Variants in KMT5A observed in about 807,000 individuals in gnomAD.
KMT5A encodes N-lysine methyltransferase KMT5A.
KMT5A carries 6 observed loss-of-function variants against 40.6 expected under a neutral mutation model. That is an observed-to-expected ratio of 0.15 (90% confidence interval 0.08 to 0.29). The LOEUF is 0.29. Ranked by LOEUF, KMT5A falls within the 10% of genes least tolerant of loss-of-function variation. The pLI is 1.00. For synonymous variants in KMT5A, 153 were observed against 178.8 expected (o/e 0.86, Z 1.15); for missense variants, 308 against 459.1 (o/e 0.67, Z 3.01).
At chr12:123,406,606 G>A (rs1447831062) in intron 7 of KMT5A, among the ~76,000 whole-genome samples, 3 of 152,182 alleles carry the variant, frequency 2.0e-5, no homozygotes, top group African/African-American at 4.8e-5. Flanking sequence ...GAGCCACCGC[G>A]CCTGGCGGGG....
Position 123,396,369 on chromosome 12 carries a change from T to C in KMT5A, c.534T>C (p.Asn178=), listed in dbSNP as rs774197371. The change falls in exon 5 of 8, where the codon AAT becomes AAC. Residue 178 remains asparagine (N), a synonymous_variant. Coordinates refer to ENST00000402868, the MANE Select transcript of KMT5A (RefSeq NM_020382.7). ...GAGCTCAAGGAAAAACGCAACAGAA[T>C]CGCAAACTTACGGATTTCTACCCTG... is the stretch of plus-strand genomic sequence containing the variant. The part of the protein sequence containing the change: ...RKKAQGKTQQ[N]RKLTDFYPVR... 66 of 1,613,534 alleles carry C rather than the reference T, an allele frequency of 4.1e-5. No individual in the cohort carries two copies. Among genetic ancestry groups the C allele is most frequent in the Non-Finnish European group, 5.2e-5 (61 of 1,179,994 alleles).
chr12:123,392,846 G>A (rs965683463), intron 3 of KMT5A, among the ~76,000 whole-genome samples: 4 of 151,806 alleles, frequency 2.6e-5, no homozygotes, highest in Non-Finnish European at 4.4e-5. Context: ...GGTGTGTAGA[G>A]GAGGAAGAAA....
rs748333519 is a variant in KMT5A, at chr12:123,402,545, G to A, written c.598-1028G>A. 3.9e-5 allele frequency among the ~76,000 whole-genome samples: 6 copies of A among 152,318 alleles called. 1 individual carries two copies. Among genetic ancestry groups the A allele is most frequent in the Middle Eastern group, 3.4e-3 (1 of 294 alleles). On this transcript the variant is annotated intron_variant, in intron 5 of 7. Transcript: ENST00000402868. ...ATCTGGTTTGGTGAAAGTCTATGCC[G>A]TCAAGACATGCTGGTTTGGGGTGAG...
chr12:123,395,335 C>A, intron 4 of KMT5A, 69 bp downstream of exon 4: 1 of 1,503,546 alleles, frequency 6.7e-7, no homozygotes, highest in Non-Finnish European at 9.1e-7. Flanking sequence ...GGGAAGCCTG[C>A]TCAGGTGCCC....
In KMT5A at chr12:123,390,636, G is replaced by A. The variant is rs751091053; in HGVS notation, c.139G>A (p.Val47Ile). 6.8e-6 allele frequency: 11 copies of A among 1,613,518 alleles called. No homozygotes were observed. Among genetic ancestry groups the A allele is most frequent in the African/African-American group, 5.3e-5 (4 of 74,880 alleles). Residue 47 changes from valine (V) to isoleucine (I), a missense_variant, in exon 3 of 8, where the codon GTA becomes ATA. This residue lies in a region of KMT5A where 92 missense variants were observed against 78.3 expected (regional missense o/e 1.18). Coordinates refer to ENST00000402868, the MANE Select transcript of KMT5A (RefSeq NM_020382.7). ...TATGCTTTTGTCTTTTTAGGAGAAC[G>A]TATTTACCGGGCAGTCAAAGATCTA... The part of the protein sequence containing the change: ...PGRPRTDGEN[V>I]FTGQSKIYSY...
intron 2 of KMT5A, chr12:123,390,010 GC>G: frequency 2.2e-6 from 1 of 462,556 alleles, no homozygotes. Flanking sequence ...TCTTACTGAC[GC>G]CCAGGTGCGG....
In KMT5A at chr12:123,396,530, C is replaced by T. The variant is rs879221280; in HGVS notation, c.597+98C>T. The T allele has an allele frequency of 2.2e-5, 25 of 1,158,150 alleles. 1 individual carries two copies. The highest frequency in any genetic ancestry group is 1.5e-4 in the South Asian group (12 of 78,226). 71.7% of individuals were successfully genotyped at this position (1,158,150 alleles called of 1,614,324 possible). ...ATGTGTGTGTCCTCAGCCTTGTTTT[C>T]GTCATCTTGGAGCAAGTCTCTTGGC... On this transcript the variant is annotated intron_variant, in intron 5 of 7. Coordinates refer to ENST00000402868, the MANE Select transcript of KMT5A (RefSeq NM_020382.7).
At position 123,406,688 on chromosome 12, in the gene KMT5A, G is replaced by A. The variant is rs1319868423; in HGVS notation, c.849-805G>A. 2.6e-5 allele frequency among the ~76,000 whole-genome samples: 4 copies of A among 151,950 alleles called. No homozygotes were observed. The South Asian group carries it at 6.2e-4, about 24-fold the overall frequency. ...CTGTGCCTCCATAAAGAGCCCTTTG[G>A]GTCCTACCCCATCCCCCCACCCAGG... On this transcript the variant is annotated intron_variant, in intron 7 of 7. Transcript: ENST00000402868.
intron 5 of KMT5A, among the ~76,000 whole-genome samples, chr12:123,398,070 G>T (rs1201922772): frequency 6.6e-6 from 1 of 151,398 alleles, no homozygotes; most frequent in Non-Finnish European, 1.5e-5. Context: ...ATCATCTGAG[G>T]TCAGGAGTTC....
intron 3 of KMT5A, among the ~76,000 whole-genome samples, chr12:123,393,249 G>A (rs1380286581): frequency 2.6e-5 from 4 of 152,174 alleles, no homozygotes; most frequent in Admixed American, 6.5e-5. Context: ...ATGTTAAAGC[G>A]TATGAGTCGG....
chr12:123,393,136 C>T lies in KMT5A; in HGVS notation c.290-1911C>T, dbSNP rs145315803. Among the ~76,000 whole-genome samples, 544 of 152,278 alleles carry T rather than the reference C, an allele frequency of 3.6e-3. 3 individuals carry two copies. The highest frequency in any genetic ancestry group is 0.012 in the African/African-American group (497 of 41,558). On this transcript the variant is annotated intron_variant, in intron 3 of 7. Transcript: ENST00000402868. ...CAGGTGGCCCACCCGCCTTGGCCTCCCAAAGTGCTGGGATTACAGGTGAAG... is the reference window on the plus strand; with the variant it reads ...CAGGTGGCCCACCCGCCTTGGCCTCTCAAAGTGCTGGGATTACAGGTGAAG...
chr12:123,403,764 AG>A (rs1260863175), intron 6 of KMT5A, 132 bp downstream of exon 6: 2 of 911,190 alleles, frequency 2.2e-6, no homozygotes, highest in African/African-American at 3.3e-5. Context: ...AGACTCTATT[AG>A]GTTGTCAAAG....
At chr12:123,403,233 G>A (rs1372641549) in intron 5 of KMT5A, among the ~76,000 whole-genome samples, 1 of 152,262 alleles carries the variant, frequency 6.6e-6, no homozygotes, top group East Asian at 1.9e-4. Flanking sequence ...GAAGTCAGAG[G>A]CCTGATTTTC....
At chr12:123,389,855 C>T (rs886394867) in intron 2 of KMT5A, among the ~76,000 whole-genome samples, 1 of 152,084 alleles carries the variant, frequency 6.6e-6, no homozygotes, top group Non-Finnish European at 1.5e-5. Context: ...GGTCTCACCG[C>T]CTCGGTGTTG....
At position 123,405,099 on chromosome 12, in the gene KMT5A, G is replaced by C. The variant is rs1179239034; in HGVS notation, c.848+25G>C. 6.3e-6 allele frequency: 10 copies of C among 1,587,342 alleles called. No individual in the cohort carries two copies. The East Asian group carries it at 1.8e-4, about 29-fold the overall frequency. ...GGTGAGTCCACTGTTGCTTAGAGTG[G>C]CTTTTCTGTCCTCTGGGCAGTGAGG... On this transcript the variant is annotated intron_variant, in intron 7 of 7. Transcript: ENST00000402868.
At chr12:123,401,485 G>T (rs898197148) in intron 5 of KMT5A, among the ~76,000 whole-genome samples, 1 of 151,664 alleles carries the variant, frequency 6.6e-6, no homozygotes, top group African/African-American at 2.4e-5. Flanking sequence ...TCTTTTAAGT[G>T]GAACATTTTA....
rs374415100 is a variant in KMT5A, at chr12:123,395,112, G to T, written c.355G>T (p.Ala119Ser). 4.4e-6 allele frequency: 7 copies of T among 1,602,810 alleles called. No individual in the cohort carries two copies. Among genetic ancestry groups the T allele is most frequent in the African/African-American group, 1.3e-5 (1 of 74,660 alleles). Residue 119 changes from alanine to serine, a missense_variant, in exon 4 of 8, where the codon GCC (alanine) becomes TCC (serine). By Grantham distance (99) the Ala-to-Ser change is moderately conservative (BLOSUM62 1). Around this residue, in one of 4 missense-constraint regions of KMT5A, gnomAD observed 127 missense variants for 129.8 expected, o/e 0.98. Transcript: ENST00000402868. ...MKSEEQKIKD[A>S]RKGPLVPFPN... is the part of the protein sequence containing the mutation. ...GTCCGAGGAACAGAAGATCAAAGAC[G>T]CCAGGAAAGGTCCCCTGGTACCTTT...
intron 4 of KMT5A, 35 bp downstream of exon 4, chr12:123,395,301 A>G (rs1877630294): frequency 6.3e-7 from 1 of 1,594,132 alleles, no homozygotes; most frequent in South Asian, 1.1e-5. Context: ...CCTAACGTGG[A>G]GCAGTTTGGT....
chr12:123,395,320 T>G (rs1318294217), intron 4 of KMT5A, 54 bp downstream of exon 4: 1 of 1,562,954 alleles, frequency 6.4e-7, no homozygotes, highest in Non-Finnish European at 8.7e-7. Context: ...GTTCCTCTGA[T>G]GCCAGGGAAG....
Sources: allele counts gnomAD v4.1 joint callset (sites outside exome capture counted in the v4.1 genomes callset), GRCh38; gene constraint gnomAD v4.1.1; regional missense constraint gnomAD v4.1.1; transcripts MANE v1.5; gene names NCBI Gene and HGNC (gene_info 2026-07-23, HGNC 2026-07-21).